The following ANK2 variants were observed in gnomAD, a reference collection of about 807,000 sequenced individuals.
The protein encoded by ANK2 is ankyrin 2, also known as ankyrin-2.
Under a neutral mutation model 360.5 loss-of-function variants are expected in ANK2, and 83 were observed. That is an observed-to-expected ratio of 0.23 (90% CI 0.19 to 0.28). ANK2 has a LOEUF of 0.28. ANK2 is among the 10% of genes least tolerant of loss of function. ANK2 has a pLI of 1.00. For missense variants in ANK2, 4,201 were observed against 4,795.7 expected, an observed-to-expected ratio of 0.88 and a Z score of 3.66; for synonymous variants, 1,740 against 1,759.5, an observed-to-expected ratio of 0.99 and a Z score of 0.28.
intron 2 of ANK2, among the ~76,000 whole-genome samples, chr4:113,021,493 G>A (rs909193711): frequency 2.7e-4 from 36 of 135,828 alleles, no homozygotes; most frequent in African/African-American, 9.1e-4. Context: ...ATGTGTATGT[G>A]TATGTATATA....
chr4:113,379,551 A>G (rs1299281234), intron 45 of ANK2, among the ~76,000 whole-genome samples: 1 of 152,230 alleles, frequency 6.6e-6, no homozygotes, highest in East Asian at 1.9e-4. Context: ...TCAATGCTAT[A>G]AAGGCTTCTA....
At chr4:113,165,040 A>C (rs2097703141) in intron 1 of ANK2, among the ~76,000 whole-genome samples, 1 of 152,172 alleles carries the variant, frequency 6.6e-6, no homozygotes, top group Non-Finnish European at 1.5e-5. Context: ...GTGATGATCC[A>C]AAAGGAAATT....
At chr4:113,298,832 C>T (rs1448313998) in intron 22 of ANK2, among the ~76,000 whole-genome samples, 3 of 152,070 alleles carry the variant, frequency 2.0e-5, no homozygotes, top group African/African-American at 4.8e-5. Flanking sequence ...TGCATAAAAC[C>T]ATGTTTATGT....
chr4:113,333,404 T>C (rs1199129297), intron 29 of ANK2, among the ~76,000 whole-genome samples, 196 bp downstream of exon 29: 1 of 152,044 alleles, frequency 6.6e-6, no homozygotes, highest in Non-Finnish European at 1.5e-5. Flanking sequence ...CACAATACTT[T>C]TGCTTAATTT....
the ANK2 span, among the ~76,000 whole-genome samples, chr4:112,736,520 C>A: frequency 6.6e-6 from 1 of 151,844 alleles, no homozygotes; most frequent in Non-Finnish European, 1.5e-5. Context: ...CAAATCAGTT[C>A]TCCAATATTA....
chr4:113,022,878 G>T (rs923219566), intron 2 of ANK2, among the ~76,000 whole-genome samples: 1 of 152,182 alleles, frequency 6.6e-6, no homozygotes, highest in Non-Finnish European at 1.5e-5. Context: ...AGCAAAAGGG[G>T]AGATGTCTCT....
At chr4:112,892,199 G>A (rs1267955256) in intron 1 of ANK2, among the ~76,000 whole-genome samples, 3 of 152,046 alleles carry the variant, frequency 2.0e-5, no homozygotes, top group Non-Finnish European at 4.4e-5. Flanking sequence ...AGGAAGGGAT[G>A]GAAATGGAAG....
At position 113,357,360 on chromosome 4, in the gene ANK2, T is replaced by G; in HGVS notation, c.8742T>G (p.Ala2914=). ...TGGATGTTCCCGTGTCTGACCTAGC[T>G]GAGAATGATGAAATCTATGATCCAC... is the stretch of plus-strand genomic sequence containing the variant. ...FSMDVPVSDL[A]ENDEIYDPQI... Residue 2914 remains alanine, a synonymous_variant, in exon 38 of 46, where the codon GCT becomes GCG. Transcript: ENST00000357077. 1 of 1,614,064 alleles carries G rather than the reference T, an allele frequency of 6.2e-7. No homozygotes were observed.
chr4:113,039,437 C>T (rs979561111), intron 2 of ANK2, among the ~76,000 whole-genome samples: 1 of 151,938 alleles, frequency 6.6e-6, no homozygotes, highest in Non-Finnish European at 1.5e-5. Flanking sequence ...TGCAAAACAA[C>T]AATAACAACA....
intron 1 of ANK2, among the ~76,000 whole-genome samples, chr4:112,844,791 G>T (rs1415327455): frequency 6.6e-6 from 1 of 152,174 alleles, no homozygotes; most frequent in African/African-American, 2.4e-5. Context: ...AGCCAGTGAA[G>T]AAAGCAATTG....
At chr4:112,967,273 G>T (rs945345949) in intron 2 of ANK2, among the ~76,000 whole-genome samples, 1 of 152,184 alleles carries the variant, frequency 6.6e-6, no homozygotes, top group Non-Finnish European at 1.5e-5. Context: ...CCTTCCTGGG[G>T]CTGGAAGCCA....
chr4:112,839,683 ACAAGGAAG>A (rs1165665273), intron 1 of ANK2, among the ~76,000 whole-genome samples: 1 of 152,210 alleles, frequency 6.6e-6, no homozygotes, highest in Non-Finnish European at 1.5e-5. Flanking sequence ...ACATCAAAGA[ACAAGGAAG>A]CGGCTTATTT....
At chr4:112,733,034 T>C in the ANK2 span, among the ~76,000 whole-genome samples, 1 of 152,036 alleles carries the variant, frequency 6.6e-6, no homozygotes, top group Non-Finnish European at 1.5e-5. Context: ...CTGGCCAAGA[T>C]GGTGAAACCC....
intron 2 of ANK2, among the ~76,000 whole-genome samples, chr4:113,028,109 A>G (rs1266793271): frequency 6.6e-6 from 1 of 151,986 alleles, no homozygotes; most frequent in Non-Finnish European, 1.5e-5. Context: ...ATGGTAAACA[A>G]TTTGCACATT....
At chr4:113,299,648 T>C (rs1327616913) in intron 22 of ANK2, among the ~76,000 whole-genome samples, 1 of 147,416 alleles carries the variant, frequency 6.8e-6, no homozygotes, top group Non-Finnish European at 1.5e-5. Context: ...GAGGTTGCAG[T>C]GAGCTGAGAT....
intron 4 of ANK2, among the ~76,000 whole-genome samples, chr4:113,218,993 AC>A (rs1350566743): frequency 6.6e-6 from 1 of 152,128 alleles, no homozygotes; most frequent in Non-Finnish European, 1.5e-5. Context: ...ATTGTTATTG[AC>A]TTAATTTTCT....
At chr4:112,782,080 G>A in the ANK2 span, among the ~76,000 whole-genome samples, 2 of 151,948 alleles carry the variant, frequency 1.3e-5, no homozygotes, top group Admixed American at 6.6e-5. Flanking sequence ...CGCCAGTCTC[G>A]GCCTCCCAAA....
chr4:113,225,793 A>C (rs976580814), intron 4 of ANK2, among the ~76,000 whole-genome samples: 2 of 152,178 alleles, frequency 1.3e-5, no homozygotes, highest in Non-Finnish European at 2.9e-5. Flanking sequence ...TTGCACATTC[A>C]ATTTGTCAAG....
intron 37 of ANK2, among the ~76,000 whole-genome samples, chr4:113,351,449 G>A (rs2095409710): frequency 1.3e-5 from 2 of 152,074 alleles, no homozygotes; most frequent in Admixed American, 1.3e-4. Context: ...GAACAAATTT[G>A]TATTGGTATA....
Sources: gnomAD v4.1 joint callset for allele counts (sites outside exome capture counted in the v4.1 genomes callset) on GRCh38, gnomAD v4.1.1 for gene constraint, MANE v1.5 for transcripts, NCBI Gene and HGNC (gene_info 2026-07-23, HGNC 2026-07-21) for gene names.